Variants in UST observed in about 807,000 individuals in gnomAD.
UST encodes chondroitin sulfate 2-O-sulfotransferase.
In UST, 21 loss-of-function variants were observed where a neutral mutation model predicts 45.6. The observed-to-expected ratio is 0.46, with a 90% CI of 0.33 to 0.66. The LOEUF (loss-of-function observed/expected upper bound fraction) is 0.66, where lower values mean the gene tolerates loss of function less well. UST is among the 30% of genes least tolerant of loss of function. UST has a pLI of 0.02. For missense variants in UST, 463 were observed against 512.4 expected (o/e 0.90, Z 0.93); for synonymous variants, 215 against 200.6 (o/e 1.07, Z -0.61).
chr6:149,036,449 T>TTTTAATAAAATGCCATC (rs370570498), intron 7 of UST, among the ~76,000 whole-genome samples: 6 of 152,244 alleles, frequency 3.9e-5, no homozygotes, highest in African/African-American at 1.4e-4. Flanking sequence ...TTTATCCATC[T>TTTTAATAAAATGCCATC]TTTAATAAAA....
chr6:148,803,936 T>G (rs986321741), intron 1 of UST, among the ~76,000 whole-genome samples: 1 of 152,214 alleles, frequency 6.6e-6, no homozygotes, highest in African/African-American at 2.4e-5. Flanking sequence ...CTTGTGAAAC[T>G]CTTTCCTAGC....
chr6:148,785,235 AT>A (rs1046686972), intron 1 of UST, among the ~76,000 whole-genome samples: 2 of 151,884 alleles, frequency 1.3e-5, no homozygotes, highest in Non-Finnish European at 2.9e-5. Flanking sequence ...GCATTTAGGC[AT>A]TAAGATGCTA....
rs111362309 is a variant in UST at position 148,881,884 on chromosome 6, A to G, written c.248-5102A>G. On this transcript the variant is annotated intron_variant, in intron 1 of 7. Transcript: ENST00000367463. ...ACAGTTTTGTTGACTTTGCACTCTGATGAAAGCGTAAAATCCTAGGATGAA... is the reference window on the plus strand; with the variant it reads ...ACAGTTTTGTTGACTTTGCACTCTGGTGAAAGCGTAAAATCCTAGGATGAA... Among the ~76,000 whole-genome samples, 7 of 152,300 alleles carry G rather than the reference A, an allele frequency of 4.6e-5. 1 individual carries two copies. The highest frequency in any genetic ancestry group is 1.7e-4 in the African/African-American group (7 of 41,570).
chr6:148,884,383 C>T (rs546979434), intron 1 of UST, among the ~76,000 whole-genome samples: 13 of 152,028 alleles, frequency 8.6e-5, no homozygotes, highest in Non-Finnish European at 1.2e-4. Flanking sequence ...AAGAGAAAGA[C>T]GGTAAACAAG....
chr6:149,025,820 G>GAGCAACAT (rs1776042765), intron 7 of UST, among the ~76,000 whole-genome samples: 2 of 151,906 alleles, frequency 1.3e-5, no homozygotes, highest in Non-Finnish European at 2.9e-5. Context: ...AGACTAGCCT[G>GAGCAACAT]AGCAACATAG....
chr6:148,938,078 C>G (rs549491116), intron 2 of UST, among the ~76,000 whole-genome samples: 18 of 152,282 alleles, frequency 1.2e-4, no homozygotes, highest in African/African-American at 4.3e-4. Flanking sequence ...TAACAATGAC[C>G]TATTAAAATG....
chr6:148,928,246 T>C (rs1271158270), intron 2 of UST, among the ~76,000 whole-genome samples: 1 of 152,240 alleles, frequency 6.6e-6, no homozygotes, highest in Non-Finnish European at 1.5e-5. Flanking sequence ...TTTGTTTCTT[T>C]AACTAAACTC....
chr6:148,979,084 C>T (rs773462410), intron 5 of UST, among the ~76,000 whole-genome samples: 1 of 152,100 alleles, frequency 6.6e-6, no homozygotes, highest in Non-Finnish European at 1.5e-5. Context: ...CCCGCATGCA[C>T]CTGTAACCTA....
intron 7 of UST, among the ~76,000 whole-genome samples, chr6:149,023,135 TGTGTGTGTGTGTGTG>T (rs1448892947): frequency 4.0e-5 from 6 of 149,898 alleles, no homozygotes; most frequent in South Asian, 2.1e-4. Context: ...TGTGTGTGTG[TGTGTGTGTGTGTGTG>T]GTGTGGTGTG....
At chr6:149,014,737 C>T (rs2115015990) in intron 5 of UST, among the ~76,000 whole-genome samples, 1 of 152,290 alleles carries the variant, frequency 6.6e-6, no homozygotes, top group Middle Eastern at 3.4e-3. Flanking sequence ...AGATGAATTA[C>T]CTAATACACA....
In UST at chr6:148,774,290, A is replaced by AT. The variant is rs199665899; in HGVS notation, c.247+26613_247+26614insT. 2.7e-3 allele frequency among the ~76,000 whole-genome samples: 396 copies of AT among 148,542 alleles called. 5 individuals are homozygous for AT. Among genetic ancestry groups the AT allele is most frequent in the African/African-American group, 8.9e-3 (360 of 40,664 alleles). On this transcript the variant is annotated intron_variant, in intron 1 of 7. Coordinates refer to ENST00000367463, the MANE Select transcript of UST (RefSeq NM_005715.3). The stretch of plus-strand genomic sequence containing the variant: ...TTATTTTATATATATATATATATAT[A>AT]AAAATATAATGAATAAATAGGAATA...
chr6:148,993,287 G>T (rs1051056141), intron 5 of UST, among the ~76,000 whole-genome samples: 1 of 152,084 alleles, frequency 6.6e-6, no homozygotes, highest in African/African-American at 2.4e-5. Context: ...TGGGCTGGGG[G>T]CCAGGAAGAT....
chr6:148,779,997 G>A (rs1190412860), intron 1 of UST, among the ~76,000 whole-genome samples: 4 of 151,838 alleles, frequency 2.6e-5, no homozygotes, highest in Non-Finnish European at 2.9e-5. Context: ...AGATACAGGA[G>A]GTCTCCAGAC....
chr6:149,006,563 G>A (rs1398936863), intron 5 of UST, among the ~76,000 whole-genome samples: 4 of 152,184 alleles, frequency 2.6e-5, no homozygotes, highest in African/African-American at 9.7e-5. Flanking sequence ...ACATTTGCAT[G>A]CATATATCTT....
chr6:148,755,104 A>T (rs1776069916), intron 1 of UST, among the ~76,000 whole-genome samples: 1 of 152,196 alleles, frequency 6.6e-6, no homozygotes, highest in South Asian at 2.1e-4. Context: ...TTTTGTCTTT[A>T]TATTTGCTCA....
intron 6 of UST, among the ~76,000 whole-genome samples, chr6:149,020,471 A>G (rs547855959): frequency 6.6e-6 from 1 of 152,360 alleles, no homozygotes; most frequent in Admixed American, 6.5e-5. Flanking sequence ...TAAATCGTGT[A>G]GTATTTTTCA....
At chr6:148,906,172 G>A (rs1409084623) in intron 2 of UST, among the ~76,000 whole-genome samples, 6 of 148,600 alleles carry the variant, frequency 4.0e-5, no homozygotes, top group Non-Finnish European at 5.9e-5. Flanking sequence ...ATTTGGAGAG[G>A]TGGATGCTTC....
chr6:148,815,721 A>G (rs1292304185), intron 1 of UST, among the ~76,000 whole-genome samples: 1 of 152,210 alleles, frequency 6.6e-6, no homozygotes, highest in African/African-American at 2.4e-5. Flanking sequence ...TGGTCAGGAG[A>G]AAATGAGTTC....
chr6:148,977,397 C>T lies in UST; in HGVS notation c.681+12834C>T, dbSNP rs77209683. On this transcript the variant is annotated intron_variant, in intron 5 of 7. Coordinates refer to ENST00000367463, the MANE Select transcript of UST (RefSeq NM_005715.3). ...GGTCCAGTCTTTCCTCTTTACTCAG[C>T]TTTTTCCCCAATTGTCCTAGGTCTT... 3.2e-3 allele frequency among the ~76,000 whole-genome samples: 493 copies of T among 152,162 alleles called. 7 individuals carry two copies. Among genetic ancestry groups the T allele is most frequent in the East Asian group, 0.018 (95 of 5,174 alleles).
Sources: gnomAD v4.1 joint callset for allele counts (sites outside exome capture counted in the v4.1 genomes callset) on GRCh38, gnomAD v4.1.1 for gene constraint, MANE v1.5 for transcripts, NCBI Gene and HGNC (gene_info 2026-07-23, HGNC 2026-07-21) for gene names.